Variants in PRMT9 observed in about 807,000 individuals in gnomAD.
PRMT9 encodes the protein protein arginine methyltransferase 9, also known as protein arginine N-methyltransferase 9.
A neutral mutation model predicts 83.2 loss-of-function variants in PRMT9; 59 were observed. The observed-to-expected ratio is 0.71, with a 90% CI of 0.57 to 0.88. PRMT9 has a LOEUF of 0.88. Ranked by LOEUF, PRMT9 falls within the 40% of genes least tolerant of loss-of-function variation. The probability of loss-of-function intolerance (pLI) is 0.00; values close to 1 mark genes in which losing one functional copy is unlikely to be tolerated. For missense variants in PRMT9, 947 were observed against 1,021.9 expected (o/e 0.93, Z 1.00); for synonymous variants, 333 against 353.2 (o/e 0.94, Z 0.64).
At chr4:147,648,982 G>C (rs1436166273) in intron 9 of PRMT9, among the ~76,000 whole-genome samples, 1 of 152,134 alleles carries the variant, frequency 6.6e-6, no homozygotes, top group Non-Finnish European at 1.5e-5. Flanking sequence ...TACTGCAACT[G>C]CTAGGCTCCT....
chr4:147,657,714 TA>T, intron 8 of PRMT9, 77 bp downstream of exon 8: 1 of 1,103,850 alleles, frequency 9.1e-7, no homozygotes, highest in Non-Finnish European at 1.4e-6. Context: ...ATATCCAAAG[TA>T]ATTTTTTTTT....
At position 147,638,490 on chromosome 4, in the gene PRMT9, G is replaced by C. The variant is rs933336579; in HGVS notation, c.*42C>G. 6.8e-6 allele frequency: 10 copies of C among 1,477,616 alleles called. No homozygotes were observed. The highest frequency in any genetic ancestry group is 9.5e-6 in the Non-Finnish European group (10 of 1,057,166). 91.5% of individuals were successfully genotyped at this position (1,477,616 alleles called of 1,614,324 possible). ...TAATTAAGACAAGAATTTTGTACTT[G>C]TTGATGCTCTATTTACACAGTTTTC... is the stretch of plus-strand genomic sequence containing the variant. On this transcript the variant is annotated 3_prime_UTR_variant, in exon 12 of 12. Coordinates refer to ENST00000322396, the MANE Select transcript of PRMT9 (RefSeq NM_138364.4).
At chr4:147,661,220 CTATA>C (rs1734927247) in intron 6 of PRMT9, 182 bp from the exon 7 acceptor site, 3 of 510,660 alleles carry the variant, frequency 5.9e-6, no homozygotes, top group Non-Finnish European at 1.0e-5. Flanking sequence ...AGGAAAACAA[CTATA>C]AATAGGTCTA....
intron 8 of PRMT9, among the ~76,000 whole-genome samples, chr4:147,656,289 CTG>C (rs144047853): frequency 0.059 from 8,947 of 151,902 alleles, 863 homozygotes; most frequent in African/African-American, 0.2. Context: ...TAGAGTTTTT[CTG>C]TGTGTGTGCG....
chr4:147,674,718 C>T (rs1735952334), intron 2 of PRMT9, among the ~76,000 whole-genome samples: 1 of 152,238 alleles, frequency 6.6e-6, no homozygotes, highest in African/African-American at 2.4e-5. Context: ...TATCAGATTT[C>T]ACCAGCACCC....
intron 8 of PRMT9, among the ~76,000 whole-genome samples, chr4:147,657,251 C>T (rs1394057394): frequency 6.6e-6 from 1 of 152,052 alleles, no homozygotes; most frequent in Admixed American, 6.6e-5. Flanking sequence ...ATCGGCCGGG[C>T]GCAGTGGCTC....
intron 7 of PRMT9, 90 bp from the exon 8 acceptor site, chr4:147,658,065 T>C (rs1734662440): frequency 3.3e-6 from 3 of 901,952 alleles, no homozygotes; most frequent in Admixed American, 4.0e-5. Context: ...CTGGAGTTCT[T>C]AGTCCTGCCC....
At chr4:147,678,928 G>A (rs907816576) in intron 2 of PRMT9, among the ~76,000 whole-genome samples, 1 of 152,196 alleles carries the variant, frequency 6.6e-6, no homozygotes, top group Non-Finnish European at 1.5e-5. Context: ...TCCATTCACA[G>A]TAATACACAA....
At chr4:147,682,354 C>CTT (rs1736536912) in intron 1 of PRMT9, among the ~76,000 whole-genome samples, 1 of 152,218 alleles carries the variant, frequency 6.6e-6, no homozygotes, top group Admixed American at 6.5e-5. Context: ...TAATTTTGTA[C>CTT]TTTTAGTAGA....
At chr4:147,646,325 A>C (rs1262395483) in intron 9 of PRMT9, among the ~76,000 whole-genome samples, 1 of 152,158 alleles carries the variant, frequency 6.6e-6, no homozygotes, top group African/African-American at 2.4e-5. Flanking sequence ...TAGCCACAGA[A>C]CTTTATGTTG....
At chr4:147,678,621 TACAA>T (rs1736256021) in intron 2 of PRMT9, among the ~76,000 whole-genome samples, 1 of 152,210 alleles carries the variant, frequency 6.6e-6, no homozygotes, top group Non-Finnish European at 1.5e-5. Flanking sequence ...AAACTGATTA[TACAA>T]ACAATGTGGT....
chr4:147,672,908 T>A, intron 4 of PRMT9, 51 bp downstream of exon 4: 1 of 1,517,698 alleles, frequency 6.6e-7, no homozygotes, highest in South Asian at 1.1e-5. Context: ...ATATCTTAGT[T>A]TTTTAAAAAT....
chr4:147,679,338 G>A (rs758830205), intron 2 of PRMT9, among the ~76,000 whole-genome samples: 2 of 152,132 alleles, frequency 1.3e-5, no homozygotes, highest in African/African-American at 4.8e-5. Context: ...GAGTGCAGGT[G>A]GGGGCGCTGC....
chr4:147,653,217 G>C (rs1400110332), intron 9 of PRMT9, among the ~76,000 whole-genome samples: 2 of 152,006 alleles, frequency 1.3e-5, no homozygotes, highest in Admixed American at 6.6e-5. Flanking sequence ...GGAGGTCAAG[G>C]GGGTGTGGAT....
chr4:147,660,855 GT>G lies in PRMT9; in HGVS notation c.1136del (p.Asn379ThrfsTer6). 2 of 1,610,758 alleles carry G rather than the reference GT, an allele frequency of 1.2e-6. No individual in the cohort carries two copies. The highest frequency in any genetic ancestry group is 1.7e-6 in the Non-Finnish European group (2 of 1,177,164). On this transcript the variant is annotated frameshift_variant, in exon 7 of 12. Coordinates refer to ENST00000322396, the MANE Select transcript of PRMT9 (RefSeq NM_138364.4). LOFTEE classifies it high-confidence loss of function. ...ACTGAATTTTTTTCACCTGAAGGTT[GT>G]TGAAATCTACTGTCATAATTTCAAA... Reference protein sequence around the residue: ...ECFEIMTVDFNNLQELKSLAT... With the variant: ...ECFEIMTVDFXNLQELKSLAT...
At chr4:147,661,212 G>T in intron 6 of PRMT9, 174 bp from the exon 7 acceptor site, 1 of 512,090 alleles carries the variant, frequency 2.0e-6, no homozygotes, top group East Asian at 3.1e-5. Flanking sequence ...AACTATAAAG[G>T]AAAACAACTA....
chr4:147,640,114 C>T, intron 10 of PRMT9, among the ~76,000 whole-genome samples: 1 of 139,780 alleles, frequency 7.2e-6, no homozygotes, highest in Admixed American at 7.4e-5. Flanking sequence ...ACTCTGTTCC[C>T]CAGGCTGGAG....
At chr4:147,673,539 A>G (rs1560705072) in intron 3 of PRMT9, 99 bp downstream of exon 3, 5 of 839,354 alleles carry the variant, frequency 6.0e-6, no homozygotes, top group Non-Finnish European at 1.0e-5. Context: ...ATTATAAGAA[A>G]TACTTTTAAA....
In PRMT9 at chr4:147,653,845, G is replaced by T. The variant is rs1383663480; in HGVS notation, c.2045+7C>A. The T allele has an allele frequency of 7.5e-6, 12 of 1,593,418 alleles. No individual in the cohort carries two copies. The highest frequency in any genetic ancestry group is 3.4e-5 in the South Asian group (3 of 88,902). On this transcript the variant is annotated splice_region_variant and intron_variant, in intron 9 of 11. Coordinates refer to ENST00000322396, the MANE Select transcript of PRMT9 (RefSeq NM_138364.4). ...ACAAAGCCAAAAGTTATTATTTTGT[G>T]TTTTACCTGGATATTGCAGCTTTTT...
Sources: allele counts gnomAD v4.1 joint callset (sites outside exome capture counted in the v4.1 genomes callset), GRCh38; gene constraint gnomAD v4.1.1; transcripts MANE v1.5; gene names NCBI Gene and HGNC (gene_info 2026-07-23, HGNC 2026-07-21).